The following IARS1 variants were observed in gnomAD, a reference collection of about 807,000 sequenced individuals.
IARS1 encodes isoleucine--tRNA ligase, cytoplasmic.
In IARS1, 124 loss-of-function variants were observed where a neutral mutation model predicts 168.2. That is an observed-to-expected ratio of 0.74 (90% CI 0.64 to 0.86). IARS1 has a LOEUF of 0.86. Among genes scored for constraint, IARS1 ranks in the 40% least tolerant of loss-of-function variants. The probability of loss-of-function intolerance (pLI) is 0.00; values close to 1 mark genes in which losing one functional copy is unlikely to be tolerated. For missense variants in IARS1, 1,452 were observed against 1,515.8 expected (o/e 0.96, Z 0.70); for synonymous variants, 532 against 529.4 (o/e 1.00, Z -0.07).
intron 33 of IARS1, among the ~76,000 whole-genome samples, chr9:92,215,049 T>C (rs1838413093): frequency 6.6e-6 from 1 of 152,164 alleles, no homozygotes; most frequent in South Asian, 2.1e-4. Flanking sequence ...AGAGCAGTGG[T>C]TCTCCCAGCA....
intron 30 of IARS1, among the ~76,000 whole-genome samples, chr9:92,236,209 C>T (rs985104999): frequency 1.3e-5 from 2 of 152,122 alleles, no homozygotes; most frequent in South Asian, 4.1e-4. Context: ...GTCTCCAACT[C>T]CTGACCTCAG....
chr9:92,242,545 G>C, intron 28 of IARS1: 1 of 531,962 alleles, frequency 1.9e-6, no homozygotes, highest in Non-Finnish European at 3.3e-6. Flanking sequence ...GATAGGGCAT[G>C]TTTCTTTTCC....
At chr9:92,243,554 TCA>T in intron 27 of IARS1, 1 of 357,012 alleles carries the variant, frequency 2.8e-6, no homozygotes, top group African/African-American at 2.1e-5. Context: ...AGGGTGCTGC[TCA>T]CAGGAGATGC....
chr9:92,233,771 A>AT (rs1025504582), intron 30 of IARS1, among the ~76,000 whole-genome samples: 4 of 152,062 alleles, frequency 2.6e-5, no homozygotes, highest in Non-Finnish European at 5.9e-5. Flanking sequence ...ACATCTGAAT[A>AT]TTTTTTTGGA....
intron 31 of IARS1, among the ~76,000 whole-genome samples, chr9:92,225,661 T>C (rs1439598939): frequency 6.6e-6 from 1 of 151,538 alleles, no homozygotes; most frequent in Non-Finnish European, 1.5e-5. Flanking sequence ...AAGATCACAA[T>C]GGGGTGAACT....
intron 30 of IARS1, among the ~76,000 whole-genome samples, chr9:92,234,898 C>A (rs1194197690): frequency 6.6e-6 from 1 of 151,138 alleles, no homozygotes; most frequent in Non-Finnish European, 1.5e-5. Context: ...AACTACAGTA[C>A]AATGGCGCGA....
At chr9:92,235,334 T>A (rs1827319654) in intron 30 of IARS1, among the ~76,000 whole-genome samples, 2 of 152,144 alleles carry the variant, frequency 1.3e-5, no homozygotes, top group Non-Finnish European at 2.9e-5. Flanking sequence ...CCATTAGGTA[T>A]AATGGTAGCT....
At chr9:92,250,133 A>C (rs909108527) in intron 24 of IARS1, 54 bp downstream of exon 24, 104 of 1,199,496 alleles carry the variant, frequency 8.7e-5, no homozygotes, top group Admixed American at 3.4e-4. Context: ...AAGCATTCCA[A>C]ACACTTAATT....
intron 30 of IARS1, among the ~76,000 whole-genome samples, chr9:92,239,677 G>A (rs898325538): frequency 2.0e-5 from 3 of 152,120 alleles, no homozygotes; most frequent in African/African-American, 2.4e-5. Flanking sequence ...CTTTCCATGT[G>A]GCCTCCACTG....
Position 92,242,314 on chromosome 9 carries a change from G to T in IARS1, c.3017C>A (p.Thr1006Asn). The change falls in exon 29 of 34, where the codon ACT becomes AAT. Residue 1006 changes from threonine (T) to asparagine (N), a missense_variant. Coordinates refer to ENST00000443024, the MANE Select transcript of IARS1 (RefSeq NM_002161.6). ...KLRKKCNLVPTDEITVYYKAK... is the reference protein window; with the variant it reads ...KLRKKCNLVPNDEITVYYKAK... ...TTTATAGTACACTGTGATTTCATCA[G>T]TTGGAACCAGATTGCACTGAAAACA... 1 of 1,612,496 alleles carries T rather than the reference G, an allele frequency of 6.2e-7. No homozygotes were observed. Among genetic ancestry groups the T allele is most frequent in the South Asian group, 1.1e-5 (1 of 90,684 alleles).
chr9:92,222,795 A>G, intron 32 of IARS1, 123 bp from the exon 33 acceptor site: 1 of 803,910 alleles, frequency 1.2e-6, no homozygotes, highest in Non-Finnish European at 1.9e-6. Context: ...CAGGAGCGTG[A>G]GTGTGACCGC....
chr9:92,292,181 C>CTTTTTTTTT lies in IARS1; in HGVS notation c.-8+1421_-8+1429dup, dbSNP rs57075703. Among the ~76,000 whole-genome samples, 716 of 117,832 alleles carry CTTTTTTTTT rather than the reference C, an allele frequency of 6.1e-3. 28 individuals are homozygous for CTTTTTTTTT. Among genetic ancestry groups the CTTTTTTTTT allele is most frequent in the African/African-American group, 0.022 (689 of 31,380 alleles). 77.3% of individuals were successfully genotyped at this position (117,832 alleles called of 152,430 possible). A position where few individuals can be genotyped will look rare whatever the true frequency, so the allele number is the denominator to read the frequency against. On this transcript the variant is annotated intron_variant, in intron 1 of 33. Coordinates refer to ENST00000443024, the MANE Select transcript of IARS1 (RefSeq NM_002161.6). ...TACAGGTGTGCACCACCACACTCAG[C>CTTTTTTTTT]TTTTTTTTTTTTTTTTTTTGGTGGG...
intron 33 of IARS1, among the ~76,000 whole-genome samples, chr9:92,221,196 T>C (rs1015950504): frequency 2.0e-5 from 3 of 151,186 alleles, no homozygotes; most frequent in African/African-American, 7.3e-5. Context: ...GGAGGGAAAA[T>C]AGGAAAAGAG....
Position 92,247,429 on chromosome 9 carries a change from C to T in IARS1, c.2739G>A (p.Met913Ile). Residue 913 changes from methionine to isoleucine, a missense_variant, in exon 26 of 34, where the codon ATG becomes ATA. By Grantham distance (10) the Met-to-Ile change is conservative. Transcript: ENST00000443024. ...KRLKGAFKAV[M>I]TSIKQLSSEE... is the part of the protein sequence containing the mutation. ...CACTGCTCAACTGCTTGATGGACGT[C>T]ATCACTGCCTTAAAGGCTCCCTTCA... 1 of 1,614,164 alleles carries T rather than the reference C, an allele frequency of 6.2e-7. No individual in the cohort carries two copies. The highest frequency in any genetic ancestry group is 8.5e-7 in the Non-Finnish European group (1 of 1,180,038).
At chr9:92,213,198 G>A (rs1423153605) in intron 33 of IARS1, among the ~76,000 whole-genome samples, 1 of 152,072 alleles carries the variant, frequency 6.6e-6, no homozygotes, top group Non-Finnish European at 1.5e-5. Flanking sequence ...ACTCCCATGG[G>A]GTCTGGTGGC....
At chr9:92,266,576 T>C (rs1047068059) in intron 14 of IARS1, among the ~76,000 whole-genome samples, 1 of 152,214 alleles carries the variant, frequency 6.6e-6, no homozygotes, top group Non-Finnish European at 1.5e-5. Context: ...TAATCCCCAG[T>C]GTGGCAGTAT....
In IARS1 at chr9:92,258,860, G is replaced by A. The variant is rs1159980403; in HGVS notation, c.2010C>T (p.Leu670=). 1.9e-6 allele frequency: 3 copies of A among 1,608,036 alleles called. No individual in the cohort carries two copies. Among genetic ancestry groups the A allele is most frequent in the African/African-American group, 1.3e-5 (1 of 74,644 alleles). Residue 670 remains leucine (L), a synonymous_variant, in exon 19 of 34, where the codon CTC becomes CTT. Transcript: ENST00000443024. ...YRFLIQNVLR[L]QKEEEIEFLY... ...AGCCCCCTACAGCCCATACCTTCTG[G>A]AGCCTCAGAACGTTCTGGATTAAGA...
chr9:92,285,653 T>A, intron 6 of IARS1, 69 bp downstream of exon 6: 4 of 935,674 alleles, frequency 4.3e-6, no homozygotes, highest in Non-Finnish European at 5.2e-6. Flanking sequence ...GAATACCTAC[T>A]GTGATCATAA....
Position 92,262,970 on chromosome 9 carries a change from T to C in IARS1, c.1786A>G (p.Ser596Gly). Residue 596 changes from serine (S) to glycine (G), a missense_variant and splice_region_variant, in exon 17 of 34, where the codon AGT becomes GGT. Coordinates refer to ENST00000443024, the MANE Select transcript of IARS1 (RefSeq NM_002161.6). Reference protein sequence around the residue: ...NVIVNGLVLASDGQKMSKRKK... With the variant: ...NVIVNGLVLAGDGQKMSKRKK... ...GTCACTACAACAAAGTTGACCTACC[T>C]TGCCAGGACAAGCCCATTCACAATT... is the stretch of plus-strand genomic sequence containing the variant. 2 of 1,612,800 alleles carry C rather than the reference T, an allele frequency of 1.2e-6. No homozygotes were observed. The highest frequency in any genetic ancestry group is 1.7e-6 in the Non-Finnish European group (2 of 1,178,846).
Sources: gnomAD v4.1 joint callset for allele counts (sites outside exome capture counted in the v4.1 genomes callset) on GRCh38, gnomAD v4.1.1 for gene constraint, MANE v1.5 for transcripts, NCBI Gene and HGNC (gene_info 2026-07-23, HGNC 2026-07-21) for gene names.